Variants in RYR3 observed in about 807,000 individuals in gnomAD.
The protein encoded by RYR3 is ryanodine receptor 3, also known as brain ryanodine receptor-calcium release channel.
RYR3 carries 207 observed loss-of-function variants against 584.3 expected under a neutral mutation model. The ratio of observed to expected loss-of-function variants is 0.35; its 90% CI spans 0.32 to 0.40. RYR3 has a LOEUF of 0.40. RYR3 is among the 10% of genes least tolerant of loss of function. RYR3 has a pLI of 1.00. For missense variants in RYR3, 5,616 were observed against 6,089.2 expected, an observed-to-expected ratio of 0.92 and a Z score of 2.59; for synonymous variants, 2,416 against 2,248.5, an observed-to-expected ratio of 1.07 and a Z score of -2.11.
chr15:33,356,926 G>C (rs7183128), intron 1 of RYR3, among the ~76,000 whole-genome samples: 1,662 of 152,260 alleles, frequency 0.011, 32 homozygotes, highest in African/African-American at 0.037. Context: ...TTTATTACTA[G>C]GTAATGTATC....
chr15:33,787,020 T>G (rs899409561), intron 66 of RYR3, among the ~76,000 whole-genome samples: 5 of 152,280 alleles, frequency 3.3e-5, no homozygotes, highest in African/African-American at 9.6e-5. Context: ...TAAATCTGAA[T>G]TAAGGGAAGG....
chr15:33,745,859 CAA>C (rs1429497824), intron 52 of RYR3, among the ~76,000 whole-genome samples: 2 of 152,148 alleles, frequency 1.3e-5, no homozygotes, highest in Admixed American at 6.5e-5. Flanking sequence ...GCAACTGAAA[CAA>C]GAAGGAATAA....
chr15:33,755,059 A>T lies in RYR3; in HGVS notation c.8400-6A>T, dbSNP rs377282647. 1 of 1,569,314 alleles carries T rather than the reference A, an allele frequency of 6.4e-7. No homozygotes were observed. The highest frequency in any genetic ancestry group is 8.8e-7 in the Non-Finnish European group (1 of 1,140,552). On this transcript the variant is annotated splice_region_variant and splice_polypyrimidine_tract_variant and intron_variant, in intron 57 of 103. Transcript: ENST00000634891. ...ACTTCCTGGGGTCTGTCCATGTCCA[A>T]CGTAGGGGTATGAAGGATATGGAGC...
rs1165160004 is a variant in RYR3, at chr15:33,695,947, CTTTTTTTTTTTTT to C, written c.5861-256_5861-244del. Among the ~76,000 whole-genome samples the C allele has an allele frequency of 1.8e-4, 17 of 95,470 alleles. No homozygotes were observed. The East Asian group carries it at 5.1e-3, about 29-fold the overall frequency. 62.6% of individuals were successfully genotyped at this position (95,470 alleles called of 152,430 possible). A position where few individuals can be genotyped will look rare whatever the true frequency, so the allele number is the denominator to read the frequency against. Reference sequence around the variant, plus strand: ...TACAGGCGTGTGCAACCACACCCAGCTTTTTTTTTTTTTTTTTTTTTTTTTTTGGTAGCAACAG... The same window carrying C: ...TACAGGCGTGTGCAACCACACCCAGCTTTTTTTTTTTTTTGGTAGCAACAG... On this transcript the variant is annotated intron_variant, in intron 38 of 103. Coordinates refer to ENST00000634891, the MANE Select transcript of RYR3 (RefSeq NM_001036.6).
At chr15:33,337,663 A>C (rs1260818815) in intron 1 of RYR3, among the ~76,000 whole-genome samples, 2 of 152,232 alleles carry the variant, frequency 1.3e-5, no homozygotes, top group Non-Finnish European at 2.9e-5. Flanking sequence ...AAACTATTTC[A>C]TCATGACTGT....
At chr15:33,502,061 AAGTAGAAAAGTACTCCCTCAAATCCTT>A (rs2052038140) in intron 2 of RYR3, among the ~76,000 whole-genome samples, 1 of 152,206 alleles carries the variant, frequency 6.6e-6, no homozygotes. Flanking sequence ...AAAAGTATTT[AAGTAGAAAAGTACTCCCTCAAATCCTT>A]AGTAGAAAAG....
intron 10 of RYR3, among the ~76,000 whole-genome samples, chr15:33,555,004 T>C (rs2056973708): frequency 6.6e-6 from 1 of 152,238 alleles, no homozygotes; most frequent in Non-Finnish European, 1.5e-5. Flanking sequence ...ATGATTGGGA[T>C]AGATTCTCGA....
At chr15:33,792,794 C>T (rs372678565) in intron 67 of RYR3, among the ~76,000 whole-genome samples, 107 of 152,202 alleles carry the variant, frequency 7.0e-4, no homozygotes, top group African/African-American at 2.5e-3. Flanking sequence ...TGACCCTTAC[C>T]CTATTTGTGG....
At chr15:33,628,909 A>G (rs1039532899) in intron 21 of RYR3, among the ~76,000 whole-genome samples, 3 of 152,208 alleles carry the variant, frequency 2.0e-5, no homozygotes, top group African/African-American at 7.2e-5. Flanking sequence ...CAGATGTGTC[A>G]CTAAGATTAA....
At chr15:33,813,432 C>T (rs2076650843) in intron 73 of RYR3, 35 bp from the exon 74 acceptor site, 1 of 1,560,454 alleles carries the variant, frequency 6.4e-7, no homozygotes, top group Admixed American at 1.7e-5. Flanking sequence ...AGAAGATCAG[C>T]CTAATGTGCA....
chr15:33,500,463 C>T (rs2051872646), intron 2 of RYR3, among the ~76,000 whole-genome samples: 1 of 152,154 alleles, frequency 6.6e-6, no homozygotes, highest in Non-Finnish European at 1.5e-5. Context: ...ACCTTGCCTC[C>T]TACTGTTTTC....
At chr15:33,787,129 G>A (rs751139962) in intron 66 of RYR3, among the ~76,000 whole-genome samples, 3 of 152,238 alleles carry the variant, frequency 2.0e-5, no homozygotes, top group Non-Finnish European at 4.4e-5. Context: ...AGTTCGGCCT[G>A]TTATTCCACA....
At chr15:33,711,886 A>G (rs943510797) in intron 43 of RYR3, among the ~76,000 whole-genome samples, 43 of 152,232 alleles carry the variant, frequency 2.8e-4, no homozygotes, top group African/African-American at 1.0e-3. Context: ...CCACATTTTC[A>G]GGTATCTTTA....
chr15:33,777,221 C>T (rs1458062523), intron 64 of RYR3, among the ~76,000 whole-genome samples: 27 of 152,334 alleles, frequency 1.8e-4, no homozygotes, highest in Non-Finnish European at 1.2e-4. Flanking sequence ...CAATGATAAA[C>T]CCTTCCAATA....
chr15:33,594,353 A>G (rs2059273494), intron 16 of RYR3, among the ~76,000 whole-genome samples: 1 of 152,244 alleles, frequency 6.6e-6, no homozygotes, highest in South Asian at 2.1e-4. Flanking sequence ...ACTCACAAAT[A>G]GTTTCCAAAT....
intron 70 of RYR3, among the ~76,000 whole-genome samples, chr15:33,809,434 C>T (rs773725685): frequency 2.0e-5 from 3 of 152,174 alleles, no homozygotes; most frequent in Non-Finnish European, 4.4e-5. Flanking sequence ...GCACGTACCA[C>T]GTGAGCAGCT....
Position 33,773,721 on chromosome 15 carries a change from T to G in RYR3, c.9137+106T>G, listed in dbSNP as rs533116857. The G allele has an allele frequency of 6.6e-5, 50 of 761,452 alleles. 1 individual carries two copies. The East Asian group carries it at 1.2e-3, about 18-fold the overall frequency. The allele number at this position is 761,452 out of a possible 1,614,324, so 47.2% of individuals were successfully genotyped here. A position where few individuals can be genotyped will look rare whatever the true frequency, so the allele number is the denominator to read the frequency against. Reference sequence around the variant, plus strand: ...TTTCAATCCAGCAAGACCAAAATGCTCACTGATACAGAATGGTGGTTTTGA... The same window carrying G: ...TTTCAATCCAGCAAGACCAAAATGCGCACTGATACAGAATGGTGGTTTTGA... On this transcript the variant is annotated intron_variant, in intron 64 of 103. Transcript: ENST00000634891.
chr15:33,554,057 C>T (rs1003551202), intron 10 of RYR3, among the ~76,000 whole-genome samples: 1 of 152,184 alleles, frequency 6.6e-6, no homozygotes, highest in African/African-American at 2.4e-5. Context: ...CTCATGCTTT[C>T]AGGCGAGTGT....
chr15:33,639,815 G>A (rs1272815636), intron 27 of RYR3, among the ~76,000 whole-genome samples: 2 of 152,144 alleles, frequency 1.3e-5, no homozygotes, highest in East Asian at 3.9e-4. Context: ...TCTAATTAAT[G>A]TTCCCTCCCC....
Sources: allele counts gnomAD v4.1 joint callset (sites outside exome capture counted in the v4.1 genomes callset), GRCh38; gene constraint gnomAD v4.1.1; transcripts MANE v1.5; gene names NCBI Gene and HGNC (gene_info 2026-07-23, HGNC 2026-07-21).